MTCL2: variants seen among roughly 807,000 people sequenced by gnomAD.
MTCL2 encodes the protein microtubule cross-linking factor 2.
At chr20:36,855,306 G>A in the MTCL2 span, among the ~76,000 whole-genome samples, 1 of 152,218 alleles carries the variant, frequency 6.6e-6, no homozygotes, top group Admixed American at 6.5e-5. Context: ...GGCAGAGCTG[G>A]GATTCCAGCC....
At chr20:36,792,335 C>G in the MTCL2 span, among the ~76,000 whole-genome samples, 5 of 152,040 alleles carry the variant, frequency 3.3e-5, 1 homozygote, top group South Asian at 4.1e-4. Context: ...TGGTGAAACC[C>G]CGTCTCTACT....
chr20:36,805,370 C>T, the MTCL2 span, among the ~76,000 whole-genome samples: 1 of 152,150 alleles, frequency 6.6e-6, no homozygotes, highest in Non-Finnish European at 1.5e-5. Context: ...CCGTGTGTGA[C>T]CCTGGGATCC....
chr20:36,823,013 C>T, the MTCL2 span, among the ~76,000 whole-genome samples: 1 of 152,220 alleles, frequency 6.6e-6, no homozygotes, highest in Non-Finnish European at 1.5e-5. Flanking sequence ...CCCGCCTTGA[C>T]CTCCCAAAGT....
At chr20:36,862,726 G>T in the MTCL2 span, 12 of 1,496,708 alleles carry the variant, frequency 8.0e-6, no homozygotes, top group Admixed American at 1.3e-4. Context: ...CCGCAGTCCA[G>T]CATCTCCTCG....
At chr20:36,788,055 C>A in the MTCL2 span, among the ~76,000 whole-genome samples, 3 of 149,982 alleles carry the variant, frequency 2.0e-5, no homozygotes, top group African/African-American at 7.4e-5. Flanking sequence ...ACAAAAATTA[C>A]CCGGGCATGG....
the MTCL2 span, among the ~76,000 whole-genome samples, chr20:36,825,722 G>C: frequency 6.6e-6 from 1 of 152,234 alleles, no homozygotes; most frequent in Non-Finnish European, 1.5e-5. Context: ...TCTGGCAGAA[G>C]AATTGCTCAG....
the MTCL2 span, among the ~76,000 whole-genome samples, chr20:36,835,901 C>G: frequency 3.9e-5 from 6 of 152,316 alleles, no homozygotes; most frequent in South Asian, 1.2e-3. Context: ...GCGCCGCAGC[C>G]GGCAGCTAGC....
At chr20:36,862,851 G>T in the MTCL2 span, 52 of 1,252,198 alleles carry the variant, frequency 4.2e-5, no homozygotes, top group Non-Finnish European at 5.1e-5. Context: ...CTGCTGCGCG[G>T]AGGGCGCGGG....
the MTCL2 span, among the ~76,000 whole-genome samples, chr20:36,818,234 G>A: frequency 6.6e-6 from 1 of 152,204 alleles, no homozygotes; most frequent in African/African-American, 2.4e-5. Context: ...TCATGAAACT[G>A]ACATCTAGTG....
At chr20:36,795,637 G>A in the MTCL2 span, among the ~76,000 whole-genome samples, 52 of 152,206 alleles carry the variant, frequency 3.4e-4, no homozygotes, top group Non-Finnish European at 1.8e-4. Context: ...TTAGCCAAGC[G>A]TGGTGGCGTT....
At chr20:36,796,923 C>A in the MTCL2 span, 7 of 1,613,876 alleles carry the variant, frequency 4.3e-6, no homozygotes, top group Non-Finnish European at 2.5e-6. Flanking sequence ...CGGAAACAGC[C>A]TCCTTGTCGT....
At chr20:36,835,521 C>A in the MTCL2 span, among the ~76,000 whole-genome samples, 2 of 152,162 alleles carry the variant, frequency 1.3e-5, no homozygotes, top group Non-Finnish European at 2.9e-5. Context: ...GGGGAAGTCC[C>A]AGAGGTACCC....
chr20:36,851,019 CAGAA>C, the MTCL2 span, among the ~76,000 whole-genome samples: 1 of 152,052 alleles, frequency 6.6e-6, no homozygotes, highest in Non-Finnish European at 1.5e-5. Flanking sequence ...GCTCTAGGGA[CAGAA>C]AACAGTCCCG....
At chr20:36,796,261 G>A in the MTCL2 span, among the ~76,000 whole-genome samples, 1 of 152,174 alleles carries the variant, frequency 6.6e-6, no homozygotes, top group Admixed American at 6.5e-5. Context: ...ATCCCCACTA[G>A]ACAGAGATGG....
the MTCL2 span, among the ~76,000 whole-genome samples, chr20:36,855,220 G>A: frequency 2.0e-5 from 3 of 152,210 alleles, no homozygotes; most frequent in Non-Finnish European, 2.9e-5. Flanking sequence ...GGCAACGTGC[G>A]GGGCAAGGAC....
chr20:36,798,781 T>C, the MTCL2 span, among the ~76,000 whole-genome samples: 5 of 152,122 alleles, frequency 3.3e-5, no homozygotes, highest in Non-Finnish European at 7.4e-5. Context: ...CTCCATCCGT[T>C]AACAAATCAC....
chr20:36,828,999 CTTGCATG>C, the MTCL2 span: 1 of 1,470,550 alleles, frequency 6.8e-7, no homozygotes, highest in African/African-American at 1.4e-5. Flanking sequence ...CTTGGGGGGG[CTTGCATG>C]TGCCCACCTG....
At chr20:36,828,933 G>T in the MTCL2 span, 1 of 1,064,574 alleles carries the variant, frequency 9.4e-7, no homozygotes, top group Non-Finnish European at 1.3e-6. Context: ...AAACAACCTT[G>T]CCAGGGAGGC....
the MTCL2 span, chr20:36,808,547 TTG>T: frequency 6.2e-7 from 1 of 1,606,844 alleles, no homozygotes; most frequent in South Asian, 1.1e-5. Context: ...GGGCAAAACC[TTG>T]CCCTGCCGCC....
Sources: gnomAD v4.1 joint callset for allele counts (sites outside exome capture counted in the v4.1 genomes callset) on GRCh38, gnomAD v4.1.1 for gene constraint, MANE v1.5 for transcripts, NCBI Gene and HGNC (gene_info 2026-07-23, HGNC 2026-07-21) for gene names.